Variants in TSGA10 observed in about 807,000 individuals in gnomAD.
TSGA10 encodes the protein testis-specific gene 10 protein.
A neutral mutation model predicts 96.6 loss-of-function variants in TSGA10; 43 were observed. That is an observed-to-expected ratio of 0.44 (90% CI 0.35 to 0.57). The LOEUF is 0.57. TSGA10 is among the 20% of genes least tolerant of loss of function. The pLI, the probability that TSGA10 is intolerant of heterozygous loss-of-function variation, is 0.01. For missense variants in TSGA10, 703 were observed against 834.4 expected, an observed-to-expected ratio of 0.84 and a Z score of 1.94; for synonymous variants, 229 against 269.9, an observed-to-expected ratio of 0.85 and a Z score of 1.48.
chr2:99,043,429 A>G (rs2082406866), intron 16 of TSGA10, among the ~76,000 whole-genome samples: 1 of 152,186 alleles, frequency 6.6e-6, no homozygotes, highest in African/African-American at 2.4e-5. Context: ...ATATAATGAT[A>G]GTAGTAGAAG....
At chr2:98,998,364 A>AT (rs1421090434) in intron 20 of TSGA10, 143 bp from the exon 21 acceptor site, 2 of 660,384 alleles carry the variant, frequency 3.0e-6, no homozygotes, top group African/African-American at 3.7e-5. Flanking sequence ...AAAACAATAT[A>AT]TTTTTTCACT....
chr2:99,073,757 T>G (rs559241381), intron 12 of TSGA10, among the ~76,000 whole-genome samples: 1 of 152,078 alleles, frequency 6.6e-6, no homozygotes, highest in Non-Finnish European at 1.5e-5. Context: ...GGTTTGAATA[T>G]CTTAATGCCT....
chr2:99,101,839 T>TAA (rs1327149687), intron 10 of TSGA10, among the ~76,000 whole-genome samples: 11 of 152,114 alleles, frequency 7.2e-5, no homozygotes, highest in Non-Finnish European at 1.6e-4. Flanking sequence ...TCTAAACAGT[T>TAA]AAACTCAGAA....
At chr2:99,102,664 T>G in intron 10 of TSGA10, 1 of 1,613,988 alleles carries the variant, frequency 6.2e-7, no homozygotes, top group Non-Finnish European at 8.5e-7. Context: ...TTCTATGGTG[T>G]AAAGTTCAGA....
At chr2:99,045,533 T>C (rs929719786) in intron 16 of TSGA10, among the ~76,000 whole-genome samples, 1 of 152,170 alleles carries the variant, frequency 6.6e-6, no homozygotes, top group Non-Finnish European at 1.5e-5. Flanking sequence ...AAGCAAATGC[T>C]GAGAGATTTT....
chr2:99,083,706 C>T (rs1370739809), intron 10 of TSGA10, among the ~76,000 whole-genome samples: 4 of 151,998 alleles, frequency 2.6e-5, no homozygotes, highest in Admixed American at 6.6e-5. Flanking sequence ...AGTTTTCAAG[C>T]GAATCTTGAA....
chr2:99,070,719 T>G (rs992238639), intron 14 of TSGA10, among the ~76,000 whole-genome samples: 5 of 152,156 alleles, frequency 3.3e-5, no homozygotes, highest in Non-Finnish European at 2.9e-5. Flanking sequence ...ACCTTACAAA[T>G]TCCCATGTTT....
intron 17 of TSGA10, among the ~76,000 whole-genome samples, chr2:99,025,720 G>A (rs1050638207): frequency 6.6e-6 from 1 of 152,030 alleles, no homozygotes; most frequent in African/African-American, 2.4e-5. Context: ...ATATAGATAG[G>A]CATTTATAGC....
chr2:99,062,178 C>T (rs2084769253), intron 16 of TSGA10, among the ~76,000 whole-genome samples: 1 of 152,114 alleles, frequency 6.6e-6, no homozygotes, highest in African/African-American at 2.4e-5. Context: ...ACACTATTAA[C>T]AAGCCTAATC....
At chr2:99,043,489 GA>G (rs1211262172) in intron 16 of TSGA10, among the ~76,000 whole-genome samples, 1 of 152,022 alleles carries the variant, frequency 6.6e-6, no homozygotes, top group Non-Finnish European at 1.5e-5. Context: ...ATAATGGCTG[GA>G]AACTTCATAA....
intron 10 of TSGA10, among the ~76,000 whole-genome samples, chr2:99,098,627 A>G (rs2090362824): frequency 6.6e-6 from 1 of 151,996 alleles, no homozygotes; most frequent in South Asian, 2.1e-4. Context: ...GATCAAAACC[A>G]AAGCAAAATG....
intron 1 of TSGA10, among the ~76,000 whole-genome samples, chr2:99,146,691 T>C (rs961136011): frequency 5.3e-5 from 8 of 152,072 alleles, no homozygotes; most frequent in Non-Finnish European, 1.0e-4. Flanking sequence ...TGCAATGGTA[T>C]GATCTCAGCT....
At chr2:99,100,784 C>T (rs1241893314) in intron 10 of TSGA10, among the ~76,000 whole-genome samples, 4 of 135,016 alleles carry the variant, frequency 3.0e-5, no homozygotes, top group African/African-American at 1.1e-4. Context: ...TGTGCCACTG[C>T]ACTCCAGCCT....
intron 10 of TSGA10, among the ~76,000 whole-genome samples, chr2:99,098,438 C>CAAAAAAAAAAA (rs59144676): frequency 2.6e-4 from 24 of 92,544 alleles, no homozygotes; most frequent in East Asian, 4.8e-4. Context: ...GACTCTGCCT[C>CAAAAAAAAAAA]AAAAAAAAAA....
intron 10 of TSGA10, among the ~76,000 whole-genome samples, chr2:99,100,084 A>AT (rs1430143263): frequency 6.6e-6 from 1 of 152,208 alleles, no homozygotes; most frequent in Non-Finnish European, 1.5e-5. Context: ...CTCAAATAAC[A>AT]TAAAAATAAA....
At chr2:99,058,763 C>G (rs114354526) in intron 16 of TSGA10, among the ~76,000 whole-genome samples, 8,218 of 152,062 alleles carry the variant, frequency 0.054, 409 homozygotes, top group East Asian at 0.21. Flanking sequence ...CCTGGCTGGG[C>G]ATGGTGGCTC....
chr2:99,088,440 T>C lies in TSGA10; in HGVS notation c.612-7043A>G, dbSNP rs1460569581. Among the ~76,000 whole-genome samples, 3 of 152,178 alleles carry C rather than the reference T, an allele frequency of 2.0e-5. No homozygotes were observed. The South Asian group carries it at 6.2e-4, about 31-fold the overall frequency. ...ATATAGGGTTCAGTATTAATATCTG[T>C]GGTTTCAGGCATCCACTGAGGGTCT... On this transcript the variant is annotated intron_variant, in intron 10 of 20. Coordinates refer to ENST00000393483, the MANE Select transcript of TSGA10 (RefSeq NM_025244.4).
chr2:99,146,541 T>C (rs529613126), intron 1 of TSGA10, among the ~76,000 whole-genome samples: 1 of 152,318 alleles, frequency 6.6e-6, no homozygotes, highest in South Asian at 2.1e-4. Flanking sequence ...GTTCAAGAAA[T>C]CTTTCTTCAC....
At position 99,020,353 on chromosome 2, in the gene TSGA10, G is replaced by C; in HGVS notation, c.1744C>G (p.Gln582Glu). 1 of 1,613,860 alleles carries C rather than the reference G, an allele frequency of 6.2e-7. No homozygotes were observed. Among genetic ancestry groups the C allele is most frequent in the Non-Finnish European group, 8.5e-7 (1 of 1,179,898 alleles). ...GATTCTTTTTCTTGAAGTGCTATCT[G>C]AGACTGATATTCTTTGTCTCGATTG... ...VANRDKEYQS[Q>E]IALQEKESEI... The change falls in exon 18 of 21, where the codon CAG becomes GAG. Residue 582 changes from glutamine to glutamate, a missense_variant. By Grantham distance (29) the Gln-to-Glu change is conservative. Around this residue, in one of 3 missense-constraint regions of TSGA10, gnomAD observed 49 missense variants for 96.4 expected, o/e 0.51. Transcript: ENST00000393483.
Sources: gnomAD v4.1 joint callset for allele counts (sites outside exome capture counted in the v4.1 genomes callset) on GRCh38, gnomAD v4.1.1 for gene constraint, gnomAD v4.1.1 regional missense constraint, MANE v1.5 for transcripts, NCBI Gene and HGNC (gene_info 2026-07-23, HGNC 2026-07-21) for gene names.